Variants in RPTOR observed in about 807,000 individuals in gnomAD.
The protein encoded by RPTOR is regulatory associated protein of MTOR complex 1.
RPTOR carries 21 observed loss-of-function variants against 169.9 expected under a neutral mutation model. The observed-to-expected ratio is 0.12, with a 90% CI of 0.09 to 0.18. The LOEUF (loss-of-function observed/expected upper bound fraction) is 0.18. RPTOR is among the 10% of genes least tolerant of loss of function. The pLI is 1.00. For missense variants in RPTOR, 1,133 were observed against 1,855.9 expected (o/e 0.61, Z 7.16); for synonymous variants, 732 against 753.2 (o/e 0.97, Z 0.46).
At position 80,708,052 on chromosome 17, in the gene RPTOR, G is replaced by A. The variant is rs2066154869; in HGVS notation, c.507+53G>A. On this transcript the variant is annotated intron_variant, in intron 4 of 33. Transcript: ENST00000306801. The surrounding 1 kb of genome is among the most constrained non-coding windows in gnomAD (Gnocchi z 4.2). ...GTTTCTGCCAAAAGCCATGCCAATT[G>A]CGGTGGTCGGAGCAGGTCCTGCCCA... The A allele has an allele frequency of 1.9e-6, 3 of 1,567,398 alleles. No homozygotes were observed. In the Admixed American group the frequency reaches 5.3e-5, roughly 28 times the overall value.
chr17:80,576,605 G>C (rs1413100537), intron 1 of RPTOR, among the ~76,000 whole-genome samples: 1 of 152,146 alleles, frequency 6.6e-6, no homozygotes, highest in Non-Finnish European at 1.5e-5. Context: ...CTTTCCTATG[G>C]GGCCACCTAC....
chr17:80,911,611 C>T (rs1404669324), intron 21 of RPTOR, among the ~76,000 whole-genome samples: 2 of 151,950 alleles, frequency 1.3e-5, no homozygotes, highest in African/African-American at 4.8e-5. Flanking sequence ...ATAGTGAAAC[C>T]CCGTCTCTAC....
chr17:80,842,757 C>T (rs1462555028), intron 10 of RPTOR, among the ~76,000 whole-genome samples: 1 of 152,214 alleles, frequency 6.6e-6, no homozygotes, highest in Admixed American at 6.5e-5. Context: ...AGACGCTACG[C>T]TCTTTGTCAG....
Position 80,962,477 on chromosome 17 carries a change from C to T in RPTOR, c.3709C>T (p.Arg1237Cys), listed in dbSNP as rs1476697249. The T allele has an allele frequency of 1.9e-6, 3 of 1,613,684 alleles. No individual in the cohort carries two copies. Among genetic ancestry groups the T allele is most frequent in the East Asian group, 2.2e-5 (1 of 44,894 alleles). Reference sequence around the variant, plus strand: ...TCTTGGCAGCGTCAATGGAGATGTGCGCATCTTTGATCCCCGGATGCCTGA... The same window carrying T: ...TCTTGGCAGCGTCAATGGAGATGTGTGCATCTTTGATCCCCGGATGCCTGA... ...IVSVSVNGDV[R>C]IFDPRMPESV... The change falls in exon 32 of 34, where the codon CGC (arginine) becomes TGC (cysteine). Residue 1237 changes from arginine (R) to cysteine (C), a missense_variant. Coordinates refer to ENST00000306801, the MANE Select transcript of RPTOR (RefSeq NM_020761.3).
intron 1 of RPTOR, among the ~76,000 whole-genome samples, chr17:80,582,882 A>C (rs1164097785): frequency 2.7e-5 from 4 of 150,738 alleles, no homozygotes. Context: ...AATTTTTCAC[A>C]ATTTTTAGTC....
intron 1 of RPTOR, among the ~76,000 whole-genome samples, chr17:80,568,431 G>C (rs2064869003): frequency 6.6e-6 from 1 of 152,098 alleles, no homozygotes; most frequent in Non-Finnish European, 1.5e-5. Flanking sequence ...CCTGAAGTCT[G>C]CTGTTGGTCT....
rs1294290767 is a variant in RPTOR, at chr17:80,820,558, C to T, written c.891-1643C>T. 6.6e-6 allele frequency among the ~76,000 whole-genome samples: 1 copy of T among 152,192 alleles called. No homozygotes were observed. Among genetic ancestry groups the T allele is most frequent in the Non-Finnish European group, 1.5e-5 (1 of 68,040 alleles). ...CTTTGGGAGGTGTGCCCCACCCTCA[C>T]ATTCCTCCGTGGGGCCAAGCTCTGT... On this transcript the variant is annotated intron_variant, in intron 7 of 33. Coordinates refer to ENST00000306801, the MANE Select transcript of RPTOR (RefSeq NM_020761.3). This position sits in a 1 kb window ranked among gnomAD's most constrained non-coding sequence, Gnocchi z 4.1.
At chr17:80,940,936 G>A (rs2069018016) in intron 25 of RPTOR, among the ~76,000 whole-genome samples, 2 of 152,218 alleles carry the variant, frequency 1.3e-5, no homozygotes, top group South Asian at 4.1e-4. Context: ...CAGCGCAGGT[G>A]GAACTCATGG....
intron 3 of RPTOR, among the ~76,000 whole-genome samples, chr17:80,681,465 C>A (rs757309443): frequency 1.3e-5 from 2 of 152,262 alleles, no homozygotes; most frequent in South Asian, 4.1e-4. Flanking sequence ...AGGGGCACCT[C>A]GCGCTGTGGG....
At position 80,698,308 on chromosome 17, in the gene RPTOR, C is replaced by A. The variant is rs1230998526; in HGVS notation, c.349-9533C>A. On this transcript the variant is annotated intron_variant, in intron 3 of 33. Transcript: ENST00000306801. ...TGCAGAGGGGCTGCCGCCCCACCCC[C>A]ACCCAGGCCTCACTGACTCCTGTGG... Among the ~76,000 whole-genome samples the A allele has an allele frequency of 2.0e-5, 3 of 152,016 alleles. No homozygotes were observed. The South Asian group carries it at 6.2e-4, about 32-fold the overall frequency.
At chr17:80,906,134 G>A (rs564798599) in intron 20 of RPTOR, among the ~76,000 whole-genome samples, 1 of 152,186 alleles carries the variant, frequency 6.6e-6, no homozygotes, top group South Asian at 2.1e-4. Context: ...CTTCGCCAGT[G>A]AGGCCGCATC....
chr17:80,650,852 G>A (rs1294647664), intron 3 of RPTOR, among the ~76,000 whole-genome samples: 9 of 152,092 alleles, frequency 5.9e-5, no homozygotes, highest in Admixed American at 5.2e-4. Context: ...ATCCTCTTGC[G>A]GGGATAACTG....
intron 17 of RPTOR, among the ~76,000 whole-genome samples, chr17:80,886,111 G>A (rs772338148): frequency 6.6e-5 from 10 of 152,226 alleles, no homozygotes; most frequent in Non-Finnish European, 1.2e-4. Context: ...GTGCGTTCCC[G>A]TGCTGGCTGT....
intron 18 of RPTOR, among the ~76,000 whole-genome samples, chr17:80,892,404 C>T (rs995993938): frequency 6.6e-6 from 1 of 152,230 alleles, no homozygotes. Flanking sequence ...TGCTCTGCTG[C>T]GGCTTCCCGG....
intron 24 of RPTOR, among the ~76,000 whole-genome samples, chr17:80,926,646 A>G (rs1290794834): frequency 6.6e-6 from 1 of 152,246 alleles, no homozygotes; most frequent in African/African-American, 2.4e-5. Context: ...TAGTGTCCTA[A>G]GGAAGCGCTC....
rs532818398 is a variant in RPTOR, at chr17:80,862,314, G to A, written c.1509+4414G>A. ...GTGTTTCCGGTAGAAACTGAGCCTCGTCTACCTCACCTGCCTCGCCCTTCC... is the reference window on the plus strand; with the variant it reads ...GTGTTTCCGGTAGAAACTGAGCCTCATCTACCTCACCTGCCTCGCCCTTCC... On this transcript the variant is annotated intron_variant, in intron 13 of 33. Transcript: ENST00000306801. Among the ~76,000 whole-genome samples, 13 of 152,188 alleles carry A rather than the reference G, an allele frequency of 8.5e-5. No homozygotes were observed. In the South Asian group the frequency reaches 2.1e-3, roughly 24 times the overall value.
At chr17:80,946,153 T>C (rs1598417272) in intron 26 of RPTOR, among the ~76,000 whole-genome samples, 1 of 152,122 alleles carries the variant, frequency 6.6e-6, no homozygotes, top group African/African-American at 2.4e-5. Context: ...AGATGCTAGG[T>C]GCCCCAGGAG....
rs756514122 is a variant in RPTOR, at chr17:80,923,447, G to T, written c.2625-43G>T. 2.5e-6 allele frequency: 4 copies of T among 1,610,330 alleles called. No individual in the cohort carries two copies. In the South Asian group the frequency reaches 4.4e-5, roughly 18 times the overall value. On this transcript the variant is annotated intron_variant, in intron 22 of 33. Coordinates refer to ENST00000306801, the MANE Select transcript of RPTOR (RefSeq NM_020761.3). ...TTCCATGTTCCCTCTCGAAGCCCCA[G>T]ACTCTGCAGAGGATGCAGTGTTTGT...
chr17:80,829,860 A>G (rs2067484607), intron 9 of RPTOR, among the ~76,000 whole-genome samples: 1 of 152,238 alleles, frequency 6.6e-6, no homozygotes, highest in Non-Finnish European at 1.5e-5. Flanking sequence ...TTCTTTGTAC[A>G]GAAATCAATG....
Sources: gnomAD v4.1 joint callset for allele counts (sites outside exome capture counted in the v4.1 genomes callset) on GRCh38, gnomAD v4.1.1 for gene constraint, Gnocchi (gnomAD v3.1) non-coding constraint, MANE v1.5 for transcripts, NCBI Gene and HGNC (gene_info 2026-07-23, HGNC 2026-07-21) for gene names.